The following IL18RAP variants were observed in gnomAD, a reference collection of about 807,000 sequenced individuals.
IL18RAP encodes the protein interleukin-18 receptor accessory protein.
In IL18RAP, 37 loss-of-function variants were observed where a neutral mutation model predicts 58.1. The ratio of observed to expected loss-of-function variants is 0.64; its 90% confidence interval spans 0.49 to 0.84. The LOEUF (loss-of-function observed/expected upper bound fraction) is 0.84. IL18RAP is among the 40% of genes least tolerant of loss of function. IL18RAP has a pLI of 0.00. For synonymous variants in IL18RAP, 268 were observed against 257.5 expected (o/e 1.04, Z -0.39); for missense variants, 667 against 704.8 (o/e 0.95, Z 0.61).
upstream of IL18RAP, among the ~76,000 whole-genome samples, chr2:102,422,999 G>A (rs1342098927): frequency 1.3e-5 from 2 of 152,196 alleles, no homozygotes; most frequent in African/African-American, 2.4e-5. Context: ...GGGAGCTTGA[G>A]ATGATTTGTA....
chr2:102,440,711 A>G (rs912160572), intron 4 of IL18RAP, among the ~76,000 whole-genome samples: 1 of 152,212 alleles, frequency 6.6e-6, no homozygotes, highest in Admixed American at 6.5e-5. Flanking sequence ...CTGAGAAGTA[A>G]AAGTAGGTGA....
chr2:102,441,744 C>T (rs749239545), intron 5 of IL18RAP, among the ~76,000 whole-genome samples: 41 of 151,950 alleles, frequency 2.7e-4, no homozygotes, highest in East Asian at 1.2e-3. Flanking sequence ...AAAAATTAGC[C>T]GGGCGTGGGT....
intron 5 of IL18RAP, 142 bp from the exon 6 acceptor site, chr2:102,443,057 GT>G: frequency 1.4e-6 from 1 of 720,240 alleles, no homozygotes; most frequent in Middle Eastern, 2.6e-4. Flanking sequence ...CTGTGTAGAC[GT>G]TTCATTATTT....
intron 3 of IL18RAP, chr2:102,435,183 A>C (rs1247990446): frequency 6.6e-6 from 1 of 152,130 alleles, no homozygotes; most frequent in Non-Finnish European, 1.5e-5. Flanking sequence ...GAGAGTTCTT[A>C]AGTGGTTTAA....
chr2:102,447,555 T>G lies in IL18RAP; in HGVS notation c.1210+348T>G, dbSNP rs72825913. Among the ~76,000 whole-genome samples, 1,316 of 152,238 alleles carry G rather than the reference T, an allele frequency of 8.6e-3. 11 individuals are homozygous for G. The highest frequency in any genetic ancestry group is 0.015 in the Admixed American group (230 of 15,288). ...ATGTTGGACTTAAAAATAATCCCTC[T>G]ATAACCAACCTAAAGCAATAGGGCA... On this transcript the variant is annotated intron_variant, in intron 8 of 9. Coordinates refer to ENST00000687160, the MANE Select transcript of IL18RAP (RefSeq NM_001393487.1).
chr2:102,443,675 G>T (rs1305873358), intron 6 of IL18RAP, among the ~76,000 whole-genome samples: 2 of 152,052 alleles, frequency 1.3e-5, no homozygotes, highest in Non-Finnish European at 2.9e-5. Context: ...AGAGTGTGGG[G>T]GTACAGGGAT....
At chr2:102,435,454 T>C (rs1467861664) in intron 3 of IL18RAP, 2 of 152,192 alleles carry the variant, frequency 1.3e-5, no homozygotes, top group African/African-American at 4.8e-5. Flanking sequence ...ATAGTAGTAG[T>C]AAATTCAATT....
chr2:102,428,721 G>A lies in IL18RAP; in HGVS notation c.579+4307G>A, dbSNP rs149540319. ...TTGTTTCTCTTGCCTAATTGCTCTG[G>A]CTAGGACTTCCAGTGCTATGATGAA... On this transcript the variant is annotated intron_variant, in intron 3 of 9. Coordinates refer to ENST00000687160, the MANE Select transcript of IL18RAP (RefSeq NM_001393487.1). Among the ~76,000 whole-genome samples, 398 of 151,940 alleles carry A rather than the reference G, an allele frequency of 2.6e-3. 1 individual carries two copies. The highest frequency in any genetic ancestry group is 9.3e-3 in the African/African-American group (387 of 41,528).
intron 6 of IL18RAP, 120 bp from the exon 7 acceptor site, chr2:102,445,069 A>G (rs762036365): frequency 2.7e-6 from 2 of 739,160 alleles, no homozygotes; most frequent in Non-Finnish European, 4.5e-6. Flanking sequence ...GGTATCTTAT[A>G]CTATTGATCT....
At chr2:102,419,642 C>T (rs1681448829), upstream of IL18RAP, 2 of 152,338 alleles carry the variant, frequency 1.3e-5, no homozygotes, top group Admixed American at 1.3e-4. Context: ...TCAAAAAACG[C>T]ATCTGGAAAA....
chr2:102,442,810 T>A (rs1295089710), intron 5 of IL18RAP, among the ~76,000 whole-genome samples: 1 of 152,216 alleles, frequency 6.6e-6, no homozygotes, highest in Non-Finnish European at 1.5e-5. Context: ...AAATATTGGA[T>A]AGTAAAATTT....
At chr2:102,449,530 A>T (rs1683634987) in intron 8 of IL18RAP, among the ~76,000 whole-genome samples, 1 of 152,160 alleles carries the variant, frequency 6.6e-6, no homozygotes, top group South Asian at 2.1e-4. Flanking sequence ...TAGTGATCAG[A>T]TCTGGAGGCA....
rs2104380878 is a variant in IL18RAP at position 102,447,199 on chromosome 2, C to T, written c.1202C>T (p.Thr401Met). Reference sequence around the variant, plus strand: ...CGGACCTACCAGAGCAAGGATCAGACGCTTGGGGGTAAGTTTACCTCCACA... The same window carrying T: ...CGGACCTACCAGAGCAAGGATCAGATGCTTGGGGGTAAGTTTACCTCCACA... ...LYRTYQSKDQTLGDKKDFDAF... is the reference protein window; with the variant it reads ...LYRTYQSKDQMLGDKKDFDAF... Residue 401 changes from threonine to methionine, a missense_variant, in exon 8 of 10, where the codon ACG becomes ATG. Thr to Met is a moderately conservative substitution (Grantham distance 81). Coordinates refer to ENST00000687160, the MANE Select transcript of IL18RAP (RefSeq NM_001393487.1). 1.2e-6 allele frequency: 2 copies of T among 1,613,474 alleles called. No individual in the cohort carries two copies. Among genetic ancestry groups the T allele is most frequent in the Non-Finnish European group, 1.7e-6 (2 of 1,179,644 alleles).
At chr2:102,427,548 T>G (rs1682031001) in intron 3 of IL18RAP, among the ~76,000 whole-genome samples, 1 of 152,104 alleles carries the variant, frequency 6.6e-6, no homozygotes, top group South Asian at 2.1e-4. Flanking sequence ...GTCTCTTGCC[T>G]ATTTTTAAAA....
intron 3 of IL18RAP, among the ~76,000 whole-genome samples, chr2:102,426,527 G>A (rs1323108968): frequency 6.6e-6 from 1 of 151,446 alleles, no homozygotes; most frequent in East Asian, 1.9e-4. Flanking sequence ...ACATTTAATG[G>A]TCAATAGATT....
intron 7 of IL18RAP, 41 bp downstream of exon 7, chr2:102,445,381 C>T: frequency 6.3e-7 from 1 of 1,596,034 alleles, no homozygotes; most frequent in Non-Finnish European, 8.6e-7. Flanking sequence ...AAACTGCTTT[C>T]ACTTGAGAGG....
intron 3 of IL18RAP, among the ~76,000 whole-genome samples, chr2:102,433,012 TC>T (rs1682487530): frequency 6.6e-6 from 1 of 152,150 alleles, no homozygotes; most frequent in East Asian, 1.9e-4. Context: ...AAAATTATAA[TC>T]AAGGGTAGTA....
chr2:102,432,501 C>G (rs910130750), intron 3 of IL18RAP: 1 of 154,428 alleles, frequency 6.5e-6, no homozygotes, highest in Non-Finnish European at 1.5e-5. Context: ...GGACAACAGG[C>G]TAGGCCCTGA....
intron 7 of IL18RAP, among the ~76,000 whole-genome samples, chr2:102,446,764 T>C (rs1371055682): frequency 7.2e-6 from 1 of 139,822 alleles, no homozygotes; most frequent in Admixed American, 7.6e-5. Context: ...GCCACTGCAC[T>C]CCAGCCTGGG....
Sources: allele counts gnomAD v4.1 joint callset (sites outside exome capture counted in the v4.1 genomes callset), GRCh38; gene constraint gnomAD v4.1.1; transcripts MANE v1.5; gene names NCBI Gene and HGNC (gene_info 2026-07-23, HGNC 2026-07-21).